The following FGFR1 variants were observed in gnomAD, a reference collection of about 807,000 sequenced individuals.
FGFR1 encodes the protein FGFR1/PLAG1 fusion.
FGFR1 carries 18 observed loss-of-function variants against 93.7 expected under a neutral mutation model. The observed-to-expected ratio is 0.19, with a 90% CI of 0.13 to 0.28. FGFR1 has a LOEUF of 0.28. Ranked by LOEUF, FGFR1 falls within the 10% of genes least tolerant of loss-of-function variation. FGFR1 has a pLI of 1.00. For synonymous variants in FGFR1, 448 were observed against 429.3 expected, an observed-to-expected ratio of 1.04 and a Z score of -0.54; for missense variants, 731 against 1,080.4, an observed-to-expected ratio of 0.68 and a Z score of 4.53.
In FGFR1 at chr8:38,432,055, G is replaced by T. The variant is rs1038507090; in HGVS notation, c.92-2107C>A. 1.5e-3 allele frequency among the ~76,000 whole-genome samples: 224 copies of T among 152,244 alleles called. 1 individual carries two copies. Among genetic ancestry groups the T allele is most frequent in the Non-Finnish European group, 5.7e-4 (39 of 68,024 alleles). On this transcript the variant is annotated intron_variant, in intron 2 of 17. Transcript: ENST00000447712. Reference sequence around the variant, plus strand: ...CAACCCATTGGTCAAGAGTAAACTTGAATTCTTACCCTCTGGCATCACAAG... The same window carrying T: ...CAACCCATTGGTCAAGAGTAAACTTTAATTCTTACCCTCTGGCATCACAAG...
At chr8:38,444,833 T>G (rs1163902059) in intron 2 of FGFR1, among the ~76,000 whole-genome samples, 1 of 152,120 alleles carries the variant, frequency 6.6e-6, no homozygotes, top group Non-Finnish European at 1.5e-5. Context: ...GCAAAGTCAG[T>G]ATTCCCCATG....
chr8:38,458,696 T>C (rs1036652367), intron 1 of FGFR1, among the ~76,000 whole-genome samples: 2 of 152,168 alleles, frequency 1.3e-5, no homozygotes, highest in Non-Finnish European at 2.9e-5. Flanking sequence ...GCTGCTGGAC[T>C]CCATGCTCAA....
At chr8:38,458,715 C>T (rs1833587495) in intron 1 of FGFR1, 1 of 221,170 alleles carries the variant, frequency 4.5e-6, no homozygotes, top group Admixed American at 5.8e-5. Context: ...AACTCCCCGA[C>T]CTATGCAATG....
Position 38,424,797 on chromosome 8 carries a change from G to C in FGFR1, c.746-98C>G. 7.8e-7 allele frequency: 1 copy of C among 1,275,628 alleles called. No homozygotes were observed. Among genetic ancestry groups the C allele is most frequent in the South Asian group, 1.4e-5 (1 of 73,262 alleles). The allele number at this position is 1,275,628 out of a possible 1,614,324, so 79.0% of individuals were successfully genotyped here. A position where few individuals can be genotyped will look rare whatever the true frequency, so the allele number is the denominator to read the frequency against. On this transcript the variant is annotated intron_variant, in intron 6 of 17. Transcript: ENST00000447712. The surrounding 1 kb of genome is among the most constrained non-coding windows in gnomAD (Gnocchi z 4.3). ...GCCCCACTTGGCTTTCCCAGTGATG[G>C]GTTGTAAACCTCCCAGCACTTCTGC...
chr8:38,457,530 T>G lies in FGFR1; in HGVS notation c.-84A>C. On this transcript the variant is annotated 5_prime_UTR_variant, in exon 2 of 18. Coordinates refer to ENST00000447712, the MANE Select transcript of FGFR1 (RefSeq NM_023110.3). ...GTGAGCTCGATCCTCCTTTTCAAACTGACCCTGAGGAAAGGAAAAAAACCC... is the reference window on the plus strand; with the variant it reads ...GTGAGCTCGATCCTCCTTTTCAAACGGACCCTGAGGAAAGGAAAAAAACCC... The G allele has an allele frequency of 6.3e-7, 1 of 1,591,222 alleles. No individual in the cohort carries two copies. The highest frequency in any genetic ancestry group is 1.3e-5 in the African/African-American group (1 of 74,654).
In FGFR1 at chr8:38,428,379, T is replaced by C. The variant is rs201054877; in HGVS notation, c.415A>G (p.Lys139Glu). 239 of 1,614,004 alleles carry C rather than the reference T, an allele frequency of 1.5e-4. No individual in the cohort carries two copies. Among genetic ancestry groups the C allele is most frequent in the Non-Finnish European group, 2.0e-4 (237 of 1,180,028 alleles). ...DDDDDSSSEE[K>E]ETDNTKPNRM... ...TTTGGTTTGGTGTTATCTGTTTCTT[T>C]CTCCTCTGAAGAGGAGTCATCATCA... Residue 139 changes from lysine (K) to glutamate (E), a missense_variant, in exon 4 of 18, where the codon AAA (lysine) becomes GAA (glutamate). By Grantham distance (56) the Lys-to-Glu change is moderately conservative (BLOSUM62 1). This residue lies in a region of FGFR1 where 212 missense variants were observed against 205.8 expected (regional missense o/e 1.03). Coordinates refer to ENST00000447712, the MANE Select transcript of FGFR1 (RefSeq NM_023110.3).
At chr8:38,452,687 G>A (rs575174147) in intron 2 of FGFR1, among the ~76,000 whole-genome samples, 48 of 152,036 alleles carry the variant, frequency 3.2e-4, no homozygotes, top group African/African-American at 1.1e-3. Flanking sequence ...TAGGACAACA[G>A]CAGCATTGGC....
At chr8:38,438,150 T>C (rs1407276756) in intron 2 of FGFR1, among the ~76,000 whole-genome samples, 3 of 152,204 alleles carry the variant, frequency 2.0e-5, no homozygotes, top group Admixed American at 6.5e-5. Flanking sequence ...TTGATCCTAC[T>C]ATGATTTCTA....
chr8:38,440,723 G>C (rs997894724), intron 2 of FGFR1, among the ~76,000 whole-genome samples: 4 of 152,170 alleles, frequency 2.6e-5, no homozygotes, highest in Non-Finnish European at 5.9e-5. Context: ...GTTTGCCAGA[G>C]GGCCGGCAAT....
At chr8:38,417,817 G>T (rs532810213) in intron 11 of FGFR1, 53 bp downstream of exon 11, 1 of 1,614,022 alleles carries the variant, frequency 6.2e-7, no homozygotes, top group Non-Finnish European at 8.5e-7. Context: ...GAGGCCTGCT[G>T]TTTGCTTGGA....
rs781310679 is a variant in FGFR1, at chr8:38,418,250, G to A, written c.1408C>T (p.Arg470Cys). Residue 470 changes from arginine to cysteine, a missense_variant, in exon 10 of 18, where the codon CGC becomes TGC. Coordinates refer to ENST00000447712, the MANE Select transcript of FGFR1 (RefSeq NM_023110.3). ...TACCTGTCCCGAGGCAGCTCCCAGC[G>A]AGGGTCTTCGGGAAGCTCATACTCA... ...VSEYELPEDP[R>C]WELPRDRLVL... The A allele has an allele frequency of 2.9e-5, 47 of 1,614,210 alleles. No individual in the cohort carries two copies. Among genetic ancestry groups the A allele is most frequent in the Admixed American group, 2.0e-4 (12 of 60,022 alleles).
chr8:38,451,767 G>GTAC (rs372644313), intron 2 of FGFR1, among the ~76,000 whole-genome samples: 1 of 152,242 alleles, frequency 6.6e-6, no homozygotes, highest in East Asian at 1.9e-4. Context: ...TTAACCCACA[G>GTAC]TACTGCTGAA....
intron 2 of FGFR1, among the ~76,000 whole-genome samples, chr8:38,442,104 T>C (rs951138969): frequency 1.2e-4 from 18 of 152,042 alleles, no homozygotes; most frequent in Admixed American, 1.2e-3. Flanking sequence ...TCTAAGGCCA[T>C]ATTGGGTGGG....
Position 38,414,798 on chromosome 8 carries a change from T to C in FGFR1, c.1958A>G (p.Tyr653Cys), listed in dbSNP as rs577599441. The change falls in exon 14 of 18, where the codon TAC becomes TGC. Residue 653 changes from tyrosine (Y) to cysteine (C), a missense_variant. Tyr to Cys is a radical substitution (Grantham distance 194). This residue lies in a region of FGFR1 where 44 missense variants were observed against 99.9 expected (regional missense o/e 0.44). Coordinates refer to ENST00000447712, the MANE Select transcript of FGFR1 (RefSeq NM_023110.3). The part of the protein sequence containing the change: ...GLARDIHHID[Y>C]YKKTTNGRLP... ...ACTCACGTTGGTTGTCTTTTTATAG[T>C]AGTCGATGTGGTGAATGTCCCGTGC... 1.2e-6 allele frequency: 2 copies of C among 1,613,974 alleles called. No individual in the cohort carries two copies. Among genetic ancestry groups the C allele is most frequent in the Admixed American group, 1.7e-5 (1 of 60,004 alleles).
At chr8:38,449,262 G>A (rs1244844900) in intron 2 of FGFR1, among the ~76,000 whole-genome samples, 2 of 152,132 alleles carry the variant, frequency 1.3e-5, no homozygotes, top group Admixed American at 1.3e-4. Flanking sequence ...TATAAAAAGT[G>A]AAAAGGAAGA....
rs1352457632 is a variant in FGFR1, at chr8:38,414,236, T to C, written c.2102A>G (p.Tyr701Cys). The part of the protein sequence containing the change: ...WEIFTLGGSP[Y>C]PGVPVEELFK... The stretch of plus-strand genomic sequence containing the variant: ...AAGTTCCTCCACAGGCACACCGGGG[T>C]ATGGGGAGCCGCCCAGAGTGAAGAT... The change falls in exon 16 of 18, where the codon TAC becomes TGC. Residue 701 changes from tyrosine to cysteine, a missense_variant. Transcript: ENST00000447712. 6.2e-7 allele frequency: 1 copy of C among 1,613,982 alleles called. No homozygotes were observed.
chr8:38,465,674 G>C (rs534959130), intron 1 of FGFR1: 1 of 223,952 alleles, frequency 4.5e-6, no homozygotes, highest in South Asian at 1.8e-4. Context: ...GAGGAAGGTG[G>C]ATGACCCGGG....
At chr8:38,466,507 G>T (rs1835538500) in intron 1 of FGFR1, 1 of 231,022 alleles carries the variant, frequency 4.3e-6, no homozygotes, top group Non-Finnish European at 8.6e-6. Flanking sequence ...TCTTTACTGC[G>T]CAATCCAGAA....
In FGFR1 at chr8:38,417,996, C is replaced by CG. The variant is rs3215417; in HGVS notation, c.1431-6dup. ...AGGGGTTTGCCTAAGACCAGTCTTT[C>CG]GGGGGAAACAGAGAGTGGCATAAGT... On this transcript the variant is annotated splice_polypyrimidine_tract_variant and splice_region_variant and intron_variant, in intron 10 of 17. Coordinates refer to ENST00000447712, the MANE Select transcript of FGFR1 (RefSeq NM_023110.3). The CG allele has an allele frequency of 5.6e-6, 9 of 1,614,016 alleles. No individual in the cohort carries two copies. The East Asian group carries it at 1.6e-4, about 28-fold the overall frequency.
Sources: allele counts gnomAD v4.1 joint callset (sites outside exome capture counted in the v4.1 genomes callset), GRCh38; gene constraint gnomAD v4.1.1; regional missense constraint gnomAD v4.1.1; non-coding constraint Gnocchi (gnomAD v3.1); transcripts MANE v1.5; gene names NCBI Gene and HGNC (gene_info 2026-07-23, HGNC 2026-07-21).